The following SLC18A2 variants were observed in gnomAD, a reference collection of about 807,000 sequenced individuals.
The protein encoded by SLC18A2 is synaptic vesicular amine transporter.
SLC18A2 carries 33 observed loss-of-function variants against 59.2 expected under a neutral mutation model. That is an observed-to-expected ratio of 0.56 (90% CI 0.42 to 0.75). The LOEUF (loss-of-function observed/expected upper bound fraction) is 0.75, where lower values mean the gene tolerates loss of function less well. SLC18A2 is among the 30% of genes least tolerant of loss of function. The probability of loss-of-function intolerance (pLI) is 0.00; values close to 1 mark genes in which losing one functional copy is unlikely to be tolerated. For missense variants in SLC18A2, 569 were observed against 668.6 expected, an observed-to-expected ratio of 0.85 and a Z score of 1.64; for synonymous variants, 228 against 253.5, an observed-to-expected ratio of 0.90 and a Z score of 0.95.
At chr10:117,242,389 G>T (rs573200714) in intron 2 of SLC18A2, among the ~76,000 whole-genome samples, 1 of 151,838 alleles carries the variant, frequency 6.6e-6, no homozygotes, top group South Asian at 2.1e-4. Flanking sequence ...CGAAATCCAG[G>T]TCCCTTAATT....
At position 117,277,465 on chromosome 10, in the gene SLC18A2, A is replaced by G; in HGVS notation, c.*199A>G. 1 of 356,892 alleles carries G rather than the reference A, an allele frequency of 2.8e-6. No homozygotes were observed. 22.1% of individuals were successfully genotyped at this position (356,892 alleles called of 1,614,324 possible). On this transcript the variant is annotated 3_prime_UTR_variant, in exon 16 of 16. Transcript: ENST00000644641. ...AAAAGAAGCTTTTCTAGGGGTTTGT[A>G]TAAATAGTGTTGAAACTTTATTTTA...
Position 117,244,175 on chromosome 10 carries a change from A to G in SLC18A2, c.326A>G (p.Asn109Ser). The G allele has an allele frequency of 1.9e-6, 3 of 1,614,206 alleles. No individual in the cohort carries two copies. The highest frequency in any genetic ancestry group is 1.7e-5 in the Admixed American group (1 of 60,022). The change falls in exon 3 of 16, where the codon AAC becomes AGC. Residue 109 changes from asparagine (N) to serine (S), a missense_variant. Transcript: ENST00000644641. ...ACCGCCACACAGCACATGGTGACCAACGCGTCCGCTGTTCCTTCCGACTGT... is the reference window on the plus strand; with the variant it reads ...ACCGCCACACAGCACATGGTGACCAGCGCGTCCGCTGTTCCTTCCGACTGT... ...HQTATQHMVT[N>S]ASAVPSDCPS...
In SLC18A2 at chr10:117,269,242, CAA is replaced by C. The variant is rs1173818761; in HGVS notation, c.1187-827_1187-826del. Reference sequence around the variant, plus strand: ...ACATACACAAATACAAGTACATACACAAACACATATACACAGACACATACACA... The same window carrying C: ...ACATACACAAATACAAGTACATACACACACATATACACAGACACATACACA... On this transcript the variant is annotated intron_variant, in intron 13 of 15. Coordinates refer to ENST00000644641, the MANE Select transcript of SLC18A2 (RefSeq NM_003054.6). This position sits in a 1 kb window ranked among gnomAD's most constrained non-coding sequence, Gnocchi z 5.1. Among the ~76,000 whole-genome samples, 1 of 151,428 alleles carries C rather than the reference CAA, an allele frequency of 6.6e-6. No individual in the cohort carries two copies. The highest frequency in any genetic ancestry group is 2.4e-5 in the African/African-American group (1 of 41,398).
chr10:117,241,813 G>C lies in SLC18A2; in HGVS notation c.120G>C (p.Val40=). 1 of 1,604,874 alleles carries C rather than the reference G, an allele frequency of 6.2e-7. No individual in the cohort carries two copies. The highest frequency in any genetic ancestry group is 1.7e-5 in the Admixed American group (1 of 59,516). Reference sequence around the variant, plus strand: ...TGGACAACATGCTGCTCACTGTCGTGGGTACGTGCGGACAGGGCACCCCTG... The same window carrying C: ...TGGACAACATGCTGCTCACTGTCGTCGGTACGTGCGGACAGGGCACCCCTG... The part of the protein sequence containing the change: ...LLLDNMLLTV[V]VPIIPSYLYS... Residue 40 remains valine, a splice_region_variant and synonymous_variant, in exon 2 of 16, where the codon GTG becomes GTC. Coordinates refer to ENST00000644641, the MANE Select transcript of SLC18A2 (RefSeq NM_003054.6).
rs118008629 is a variant in SLC18A2, at chr10:117,245,227, T to C, written c.464+914T>C. On this transcript the variant is annotated intron_variant, in intron 3 of 15. Coordinates refer to ENST00000644641, the MANE Select transcript of SLC18A2 (RefSeq NM_003054.6). ...CGCAGTGTAGCTACCTAGGTGAAAG[T>C]TACAAAACACCAGAAATGGTGGGGA... Among the ~76,000 whole-genome samples, 423 of 152,110 alleles carry C rather than the reference T, an allele frequency of 2.8e-3. 2 individuals are homozygous for C. The highest frequency in any genetic ancestry group is 0.024 in the Middle Eastern group (7 of 294).
chr10:117,252,163 T>TTTTTA (rs1844169939), intron 3 of SLC18A2, among the ~76,000 whole-genome samples: 1 of 106,352 alleles, frequency 9.4e-6, no homozygotes, highest in African/African-American at 3.5e-5. Context: ...TTTTTTTTTT[T>TTTTTA]AGTACAGACA....
chr10:117,267,614 G>T lies in SLC18A2; in HGVS notation c.1123-59G>T. The T allele has an allele frequency of 2.3e-6, 3 of 1,312,018 alleles. No homozygotes were observed. The South Asian group carries it at 4.1e-5, about 18-fold the overall frequency. 81.3% of individuals were successfully genotyped at this position (1,312,018 alleles called of 1,614,324 possible). ...AGAAAACACAAGTTCAAGACTTTCC[G>T]AGATGATTTAGAGTTGGATCTCTTG... is the stretch of plus-strand genomic sequence containing the variant. On this transcript the variant is annotated intron_variant, in intron 12 of 15. Transcript: ENST00000644641.
chr10:117,252,163 T>TTTTA (rs1844169939), intron 3 of SLC18A2, among the ~76,000 whole-genome samples: 1 of 106,352 alleles, frequency 9.4e-6, no homozygotes, highest in African/African-American at 3.5e-5. Context: ...TTTTTTTTTT[T>TTTTA]AGTACAGACA....
chr10:117,243,233 T>C (rs914023248), intron 2 of SLC18A2, among the ~76,000 whole-genome samples: 2 of 152,244 alleles, frequency 1.3e-5, no homozygotes, highest in Admixed American at 1.3e-4. Flanking sequence ...ATTCATTCAT[T>C]TGAAAGTCTT....
intron 3 of SLC18A2, among the ~76,000 whole-genome samples, chr10:117,248,226 A>G (rs971448912): frequency 2.0e-5 from 3 of 151,936 alleles, no homozygotes; most frequent in Non-Finnish European, 4.4e-5. Context: ...CAGCCTCTCA[A>G]AGTGCTGGGA....
At chr10:117,272,071 A>T (rs1001508576) in intron 15 of SLC18A2, among the ~76,000 whole-genome samples, 7 of 152,286 alleles carry the variant, frequency 4.6e-5, no homozygotes, top group Admixed American at 2.6e-4. Context: ...GTAGAGGCTT[A>T]TGAGTCTTGG....
chr10:117,260,757 C>T (rs1350030250), intron 10 of SLC18A2, among the ~76,000 whole-genome samples: 1 of 152,156 alleles, frequency 6.6e-6, no homozygotes, highest in Non-Finnish European at 1.5e-5. Context: ...TCAATCCAGA[C>T]CCCAAGATAA....
At position 117,278,520 on chromosome 10, in the gene SLC18A2, T is replaced by C. The variant is rs1565012244; in HGVS notation, c.*1254T>C. On this transcript the variant is annotated 3_prime_UTR_variant, in exon 16 of 16. Coordinates refer to ENST00000644641, the MANE Select transcript of SLC18A2 (RefSeq NM_003054.6). ...AAATACTGTTAGTGAACATTGTCAA[T>C]TTATGTCATTTTGTTAAGAGATATG... 1 of 152,212 alleles carries C rather than the reference T, an allele frequency of 6.6e-6. No homozygotes were observed. The highest frequency in any genetic ancestry group is 2.4e-5 in the African/African-American group (1 of 41,458). 9.4% of individuals were successfully genotyped at this position (152,212 alleles called of 1,614,324 possible).
intron 4 of SLC18A2, among the ~76,000 whole-genome samples, chr10:117,253,663 T>C (rs1052889892): frequency 6.6e-6 from 1 of 151,848 alleles, no homozygotes; most frequent in African/African-American, 2.4e-5. Context: ...CTGGCCAACA[T>C]GGCAAAACCC....
intron 15 of SLC18A2, among the ~76,000 whole-genome samples, chr10:117,273,375 A>AT (rs927068313): frequency 2.6e-5 from 4 of 151,768 alleles, no homozygotes; most frequent in Non-Finnish European, 5.9e-5. Flanking sequence ...TGTGTTGCGG[A>AT]TTTTTTTTTC....
intron 15 of SLC18A2, among the ~76,000 whole-genome samples, chr10:117,274,330 T>G (rs1037237693): frequency 3.9e-4 from 60 of 152,334 alleles, no homozygotes; most frequent in African/African-American, 1.3e-3. Context: ...CAGTTAAGTA[T>G]GCATGATGCC....
chr10:117,261,891 G>A (rs1844297550), intron 10 of SLC18A2, among the ~76,000 whole-genome samples: 1 of 152,138 alleles, frequency 6.6e-6, no homozygotes, highest in Non-Finnish European at 1.5e-5. Context: ...ATCACTGAGC[G>A]ATGCACTGTC....
chr10:117,278,457 A>T lies in SLC18A2; in HGVS notation c.*1191A>T, dbSNP rs1844531576. 6.6e-6 allele frequency: 1 copy of T among 152,208 alleles called. No individual in the cohort carries two copies. Among genetic ancestry groups the T allele is most frequent in the Non-Finnish European group, 1.5e-5 (1 of 68,028 alleles). The allele number at this position is 152,208 out of a possible 1,614,324, so 9.4% of individuals were successfully genotyped here. On this transcript the variant is annotated 3_prime_UTR_variant, in exon 16 of 16. Transcript: ENST00000644641. ...GTGTGCAGTGTTGTGTATTTTTCTAAGCATGACAACATTGATGTGCCTTTT... is the reference window on the plus strand; with the variant it reads ...GTGTGCAGTGTTGTGTATTTTTCTATGCATGACAACATTGATGTGCCTTTT...
rs1185949708 is a variant in SLC18A2, at chr10:117,258,283, TA to T, written c.991+393del. On this transcript the variant is annotated intron_variant, in intron 10 of 15. Transcript: ENST00000644641. ...TTTGAAAAGTAATACATGCTTATTATAACAAAATCAAAGTGTGCTGATTGAG... is the reference window on the plus strand; with the variant it reads ...TTTGAAAAGTAATACATGCTTATTATACAAAATCAAAGTGTGCTGATTGAG... Among the ~76,000 whole-genome samples the T allele has an allele frequency of 3.3e-4, 50 of 152,270 alleles. 1 individual carries two copies. Among genetic ancestry groups the T allele is most frequent in the Admixed American group, 3.3e-3 (50 of 15,290 alleles).
Sources: allele counts gnomAD v4.1 joint callset (sites outside exome capture counted in the v4.1 genomes callset), GRCh38; gene constraint gnomAD v4.1.1; non-coding constraint Gnocchi (gnomAD v3.1); transcripts MANE v1.5; gene names NCBI Gene and HGNC (gene_info 2026-07-23, HGNC 2026-07-21).